HNRNPLL: variants seen among roughly 807,000 people sequenced by gnomAD.
HNRNPLL encodes the protein heterogeneous nuclear ribonucleoprotein L like.
Under a neutral mutation model 67.1 loss-of-function variants are expected in HNRNPLL, and 25 were observed. The observed-to-expected ratio is 0.37, with a 90% CI of 0.27 to 0.52. HNRNPLL has a LOEUF of 0.52. Ranked by LOEUF, HNRNPLL falls within the 20% of genes least tolerant of loss-of-function variation. The pLI is 0.90. For synonymous variants in HNRNPLL, 267 were observed against 241.7 expected (o/e 1.10, Z -0.97); for missense variants, 542 against 673.9 (o/e 0.80, Z 2.17).
chr2:38,598,420 G>C (rs1667298302), intron 1 of HNRNPLL, among the ~76,000 whole-genome samples: 1 of 152,108 alleles, frequency 6.6e-6, no homozygotes, highest in South Asian at 2.1e-4. Flanking sequence ...TCACAATTTG[G>C]CTTTCCCAGT....
intron 2 of HNRNPLL, among the ~76,000 whole-genome samples, chr2:38,587,115 G>C (rs1306522939): frequency 1.3e-5 from 2 of 152,156 alleles, no homozygotes; most frequent in Non-Finnish European, 2.9e-5. Context: ...AGTACTCAAT[G>C]ACATCACTGT....
intron 12 of HNRNPLL, 134 bp from the exon 13 acceptor site, chr2:38,564,371 G>A (rs577378078): frequency 2.9e-4 from 167 of 569,750 alleles, no homozygotes; most frequent in South Asian, 1.9e-4. Context: ...GGAATATAAA[G>A]AAGTAAAATT....
rs766141603 is a variant in HNRNPLL at position 38,585,743 on chromosome 2, T to C, written c.447A>G (p.Thr149=). The change falls in exon 3 of 13, where the codon ACA becomes ACG. Residue 149 remains threonine (T), a synonymous_variant. Coordinates refer to ENST00000449105, the MANE Select transcript of HNRNPLL (RefSeq NM_138394.4). ...AGQQAFFNYS[T]SKRITRPGNT... ...TTCCTGGCCGAGTGATCCTTTTGCT[T>C]GTAGAATAGTTGAAAAAAGCCTGTT... 1.9e-6 allele frequency: 3 copies of C among 1,613,974 alleles called. No individual in the cohort carries two copies. Among genetic ancestry groups the C allele is most frequent in the Non-Finnish European group, 2.5e-6 (3 of 1,179,824 alleles).
In HNRNPLL at chr2:38,583,298, C is replaced by A. The variant is rs72905893; in HGVS notation, c.632+543G>T. ...TAAAGCGTTTGCTGTATATCCCTAC[C>A]TTCTTCTATGCATACACATGCACAC... On this transcript the variant is annotated intron_variant, in intron 4 of 12. Coordinates refer to ENST00000449105, the MANE Select transcript of HNRNPLL (RefSeq NM_138394.4). Among the ~76,000 whole-genome samples, 830 of 152,280 alleles carry A rather than the reference C, an allele frequency of 5.5e-3. 9 individuals carry two copies. Among genetic ancestry groups the A allele is most frequent in the African/African-American group, 0.018 (764 of 41,562 alleles).
intron 1 of HNRNPLL, among the ~76,000 whole-genome samples, chr2:38,595,250 G>A (rs547402473): frequency 7.1e-6 from 1 of 140,052 alleles, no homozygotes; most frequent in East Asian, 2.1e-4. Flanking sequence ...ACTCCAGCCT[G>A]GGTGATGAGC....
chr2:38,573,530 A>C, intron 7 of HNRNPLL, 103 bp from the exon 8 acceptor site: 2 of 731,980 alleles, frequency 2.7e-6, no homozygotes, highest in Non-Finnish European at 4.5e-6. Flanking sequence ...ATAAACTCTT[A>C]ATATTAGCTA....
chr2:38,583,162 T>C (rs937539408), intron 4 of HNRNPLL, among the ~76,000 whole-genome samples: 4 of 152,118 alleles, frequency 2.6e-5, no homozygotes, highest in African/African-American at 9.7e-5. Flanking sequence ...ATTTTATCAG[T>C]TTTTAAAAAA....
chr2:38,578,500 C>T (rs547749824), intron 6 of HNRNPLL, among the ~76,000 whole-genome samples: 1 of 152,116 alleles, frequency 6.6e-6, no homozygotes, highest in South Asian at 2.1e-4. Context: ...GAGCCTTTAC[C>T]TATATCCTTA....
At position 38,585,693 on chromosome 2, in the gene HNRNPLL, T is replaced by C; in HGVS notation, c.497A>G (p.Asn166Ser). The C allele has an allele frequency of 6.2e-7, 1 of 1,613,608 alleles. No homozygotes were observed. Among genetic ancestry groups the C allele is most frequent in the Non-Finnish European group, 8.5e-7 (1 of 1,179,484 alleles). ...CTGAATTGAGAGCAGAAGAACTTTG[T>C]TGCCTCCTGATGGATCATCAGTATT... ...PGNTDDPSGG[N>S]KVLLLSIQNP... The change falls in exon 3 of 13, where the codon AAC becomes AGC. Residue 166 changes from asparagine to serine, a missense_variant. By Grantham distance (46) the Asn-to-Ser change is conservative (BLOSUM62 1). Coordinates refer to ENST00000449105, the MANE Select transcript of HNRNPLL (RefSeq NM_138394.4).
chr2:38,581,153 G>C (rs892939646), intron 6 of HNRNPLL: 1 of 152,174 alleles, frequency 6.6e-6, no homozygotes, highest in African/African-American at 2.4e-5. Flanking sequence ...TTAATAAACT[G>C]GTCCTGGTTA....
Position 38,602,603 on chromosome 2 carries a change from G to T in HNRNPLL, c.24C>A (p.Pro8=), listed in dbSNP as rs767467059. Residue 8 remains proline, a synonymous_variant, in exon 1 of 13, where the codon CCC becomes CCA. Transcript: ENST00000449105. MSSSSSS[P]RETYEEDREY... The stretch of plus-strand genomic sequence containing the variant: ...CCCGGTCCTCCTCGTACGTCTCCCT[G>T]GGGGAGGAAGAGGAGGAGGACATGG... 2.6e-6 allele frequency: 4 copies of T among 1,563,810 alleles called. No individual in the cohort carries two copies. Among genetic ancestry groups the T allele is most frequent in the East Asian group, 2.4e-5 (1 of 41,166 alleles).
In HNRNPLL at chr2:38,591,747, G is replaced by A. The variant is rs538543380; in HGVS notation, c.190-99C>T. Reference sequence around the variant, plus strand: ...TCCCTGCACTTTGGGAGGTCAAAGTGGGAGGGTCATTTGAGGTCAGGAGTT... The same window carrying A: ...TCCCTGCACTTTGGGAGGTCAAAGTAGGAGGGTCATTTGAGGTCAGGAGTT... On this transcript the variant is annotated intron_variant, in intron 1 of 12. Transcript: ENST00000449105. The A allele has an allele frequency of 8.3e-5, 55 of 662,218 alleles. No individual in the cohort carries two copies. The African/African-American group carries it at 9.1e-4, about 11-fold the overall frequency. 41.0% of individuals were successfully genotyped at this position (662,218 alleles called of 1,614,324 possible).
At position 38,580,930 on chromosome 2, in the gene HNRNPLL, A is replaced by G. The variant is rs1175456376; in HGVS notation, c.802+983T>C. ...ATTGTTACAAAAAGTGACAACTTAT[A>G]AACAGCCACTTTACAAAAATCAAAC... is the stretch of plus-strand genomic sequence containing the variant. On this transcript the variant is annotated intron_variant, in intron 6 of 12. Coordinates refer to ENST00000449105, the MANE Select transcript of HNRNPLL (RefSeq NM_138394.4). 3.3e-5 allele frequency: 5 copies of G among 152,232 alleles called. No homozygotes were observed. In the East Asian group the frequency reaches 9.6e-4, roughly 29 times the overall value. The allele number at this position is 152,232 out of a possible 1,614,324, so 9.4% of individuals were successfully genotyped here.
In HNRNPLL at chr2:38,562,596, T is replaced by A. The variant is rs999629651; in HGVS notation, c.*1586A>T. The A allele has an allele frequency of 2.0e-5, 3 of 152,116 alleles. No homozygotes were observed. The highest frequency in any genetic ancestry group is 4.4e-5 in the Non-Finnish European group (3 of 67,996). The allele number at this position is 152,116 out of a possible 1,614,324, so 9.4% of individuals were successfully genotyped here. ...AGCTTTATTGTAAAGTTAGATAAACTTAGGTATTAAATTGGCAATGAATAA... is the reference window on the plus strand; with the variant it reads ...AGCTTTATTGTAAAGTTAGATAAACATAGGTATTAAATTGGCAATGAATAA... On this transcript the variant is annotated 3_prime_UTR_variant, in exon 13 of 13. Transcript: ENST00000449105.
At chr2:38,576,321 T>C (rs1389907995) in intron 7 of HNRNPLL, among the ~76,000 whole-genome samples, 1 of 151,806 alleles carries the variant, frequency 6.6e-6, no homozygotes, top group Non-Finnish European at 1.5e-5. Flanking sequence ...ATTATCAAAG[T>C]GCAAAAAACA....
chr2:38,572,474 G>C (rs940508039), intron 8 of HNRNPLL, among the ~76,000 whole-genome samples: 1 of 151,952 alleles, frequency 6.6e-6, no homozygotes, highest in African/African-American at 2.4e-5. Flanking sequence ...ACTCAAATTA[G>C]CAAGTGTTTT....
At chr2:38,576,022 G>T (rs554315030) in intron 7 of HNRNPLL, among the ~76,000 whole-genome samples, 10 of 151,742 alleles carry the variant, frequency 6.6e-5, no homozygotes, top group South Asian at 6.2e-4. Context: ...AACTATCAAA[G>T]AATTTCACAA....
chr2:38,567,555 G>A (rs1221164472), intron 12 of HNRNPLL, among the ~76,000 whole-genome samples: 2 of 152,142 alleles, frequency 1.3e-5, no homozygotes, highest in African/African-American at 4.8e-5. Flanking sequence ...ACATATGCAT[G>A]TATTGCTTTC....
At chr2:38,598,761 G>T (rs374267333) in intron 1 of HNRNPLL, among the ~76,000 whole-genome samples, 2 of 152,146 alleles carry the variant, frequency 1.3e-5, no homozygotes, top group Non-Finnish European at 2.9e-5. Flanking sequence ...TCTTTTCACC[G>T]TAACATACTA....
Sources: gnomAD v4.1 joint callset for allele counts (sites outside exome capture counted in the v4.1 genomes callset) on GRCh38, gnomAD v4.1.1 for gene constraint, MANE v1.5 for transcripts, NCBI Gene and HGNC (gene_info 2026-07-23, HGNC 2026-07-21) for gene names.